Variants in VAC14 observed in about 807,000 individuals in gnomAD.
The protein encoded by VAC14 is protein VAC14 homolog.
A neutral mutation model predicts 85.3 loss-of-function variants in VAC14; 47 were observed. The observed-to-expected ratio is 0.55, with a 90% CI of 0.44 to 0.70. The LOEUF is 0.70. VAC14 is among the 30% of genes least tolerant of loss of function. The probability of loss-of-function intolerance (pLI) is 0.00; values close to 1 mark genes in which losing one functional copy is unlikely to be tolerated. For missense variants in VAC14, 861 were observed against 1,004.3 expected, an observed-to-expected ratio of 0.86 and a Z score of 1.93; for synonymous variants, 447 against 430.5, an observed-to-expected ratio of 1.04 and a Z score of -0.47.
At chr16:70,790,248 G>A (rs182898998) in intron 1 of VAC14, among the ~76,000 whole-genome samples, 94 of 152,320 alleles carry the variant, frequency 6.2e-4, no homozygotes, top group African/African-American at 2.1e-3. Context: ...CATTGTAGAC[G>A]GGTTTTGAAG....
intron 13 of VAC14, among the ~76,000 whole-genome samples, chr16:70,734,487 C>G (rs1290969628): frequency 6.6e-6 from 1 of 152,060 alleles, no homozygotes; most frequent in Non-Finnish European, 1.5e-5. Flanking sequence ...CTGATTAAGC[C>G]CAATGTGTCT....
intron 12 of VAC14, among the ~76,000 whole-genome samples, chr16:70,751,292 G>C (rs751407310): frequency 2.0e-5 from 3 of 152,244 alleles, no homozygotes; most frequent in Non-Finnish European, 2.9e-5. Flanking sequence ...GAAGCTGCAA[G>C]AATGTTTCCA....
chr16:70,695,669 C>A, intron 16 of VAC14, 46 bp from the exon 17 acceptor site: 1 of 1,582,264 alleles, frequency 6.3e-7, no homozygotes, highest in South Asian at 1.1e-5. Flanking sequence ...CCAGCACAGC[C>A]GCAGCTCACA....
Position 70,786,279 on chromosome 16 carries a change from T to G in VAC14, c.191A>C (p.Gln64Pro). The G allele has an allele frequency of 6.2e-7, 1 of 1,614,202 alleles. No individual in the cohort carries two copies. Among genetic ancestry groups the G allele is most frequent in the Non-Finnish European group, 8.5e-7 (1 of 1,180,036 alleles). The change falls in exon 2 of 19, where the codon CAG becomes CCG. Residue 64 changes from glutamine (Q) to proline (P), a missense_variant. Gln to Pro is a moderately conservative substitution (Grantham distance 76). Transcript: ENST00000261776. Reference sequence around the variant, plus strand: ...GCCCCCTTTCCGGCTGTGGGGGTGCTGAGACAGGGCAAACTCCTGGGACAG... The same window carrying G: ...GCCCCCTTTCCGGCTGTGGGGGTGCGGAGACAGGGCAAACTCCTGGGACAG... ...QTLSQEFALS[Q>P]HPHSRKGGLI...
chr16:70,698,632 C>T lies in VAC14; in HGVS notation c.1836+5G>A. Reference sequence around the variant, plus strand: ...CCTGAGGATGGAGTCCCGGACGCAGCCTACCAGGGTCTTCAGGTCCTTCAG... The same window carrying T: ...CCTGAGGATGGAGTCCCGGACGCAGTCTACCAGGGTCTTCAGGTCCTTCAG... On this transcript the variant is annotated splice_donor_5th_base_variant and intron_variant, in intron 15 of 18. Transcript: ENST00000261776. The T allele has an allele frequency of 6.2e-7, 1 of 1,613,964 alleles. No homozygotes were observed. The highest frequency in any genetic ancestry group is 2.2e-5 in the East Asian group (1 of 44,872).
intron 12 of VAC14, among the ~76,000 whole-genome samples, chr16:70,754,791 T>A (rs1000954820): frequency 6.6e-6 from 1 of 152,104 alleles, no homozygotes; most frequent in Non-Finnish European, 1.5e-5. Flanking sequence ...ATCTGTGGAA[T>A]TGAGGTGGGG....
chr16:70,781,511 G>A (rs1032402356), intron 8 of VAC14, among the ~76,000 whole-genome samples: 1 of 152,070 alleles, frequency 6.6e-6, no homozygotes, highest in Non-Finnish European at 1.5e-5. Flanking sequence ...TGTCATACTG[G>A]TGCCCCTGTG....
At chr16:70,768,280 G>A (rs1327124477) in intron 10 of VAC14, 1 of 156,296 alleles carries the variant, frequency 6.4e-6, no homozygotes, top group African/African-American at 2.4e-5. Context: ...CTGAGGCGGG[G>A]GAAATCACGC....
Position 70,695,629 on chromosome 16 carries a change from T to C in VAC14, c.1956-6A>G, listed in dbSNP as rs368987633. 53 of 1,612,918 alleles carry C rather than the reference T, an allele frequency of 3.3e-5. No individual in the cohort carries two copies. Among genetic ancestry groups the C allele is most frequent in the Non-Finnish European group, 4.3e-5 (51 of 1,179,372 alleles). ...CGGTGACCTCCAGGTCCCCACTGGG[T>C]GTGCAGTCAAGGAAAGTCTGTCTGC... On this transcript the variant is annotated splice_region_variant and splice_polypyrimidine_tract_variant and intron_variant, in intron 16 of 18. Coordinates refer to ENST00000261776, the MANE Select transcript of VAC14 (RefSeq NM_018052.5).
chr16:70,708,874 A>G (rs1394410701), intron 14 of VAC14, among the ~76,000 whole-genome samples: 1 of 152,202 alleles, frequency 6.6e-6, no homozygotes, highest in Non-Finnish European at 1.5e-5. Context: ...CCCGGCCATG[A>G]AGCCTTGGCA....
At chr16:70,768,913 G>C (rs1484690414) in intron 10 of VAC14, 1 of 434,234 alleles carries the variant, frequency 2.3e-6, no homozygotes, top group Admixed American at 2.5e-5. Flanking sequence ...CAATTCTCCT[G>C]CTTCAGCCTC....
intron 14 of VAC14, among the ~76,000 whole-genome samples, chr16:70,728,206 C>T (rs886148496): frequency 1.8e-4 from 28 of 152,062 alleles, no homozygotes; most frequent in Non-Finnish European, 8.8e-5. Flanking sequence ...GAAGAGCAAG[C>T]GATCGCCATA....
intron 14 of VAC14, among the ~76,000 whole-genome samples, chr16:70,703,846 TTG>T (rs1278489331): frequency 6.6e-6 from 1 of 152,234 alleles, no homozygotes; most frequent in Admixed American, 6.5e-5. Context: ...CTACACAGCC[TTG>T]CCCATGAACA....
intron 1 of VAC14, among the ~76,000 whole-genome samples, chr16:70,799,932 T>G (rs779418551): frequency 2.0e-5 from 3 of 152,182 alleles, no homozygotes; most frequent in Admixed American, 6.5e-5. Flanking sequence ...TAATTTAAAT[T>G]TATAATAGCT....
At chr16:70,718,895 A>C (rs1227291280) in intron 14 of VAC14, among the ~76,000 whole-genome samples, 1 of 151,900 alleles carries the variant, frequency 6.6e-6, no homozygotes, top group Non-Finnish European at 1.5e-5. Flanking sequence ...GGCTGACCTC[A>C]AACAAAGACT....
Position 70,778,023 on chromosome 16 carries a change from C to T in VAC14, c.1096+2767G>A, listed in dbSNP as rs546063025. 4.9e-4 allele frequency among the ~76,000 whole-genome samples: 74 copies of T among 152,244 alleles called. 1 individual carries two copies. The East Asian group carries it at 0.014, about 29-fold the overall frequency. ...AGGGCTGAGAGTGGATGTAAAGGCG[C>T]CAAATTAGCTCTTACCATCTCTGGG... On this transcript the variant is annotated intron_variant, in intron 9 of 18. Transcript: ENST00000261776.
At chr16:70,689,915 A>G (rs2053566731) in intron 18 of VAC14, 5 of 985,508 alleles carry the variant, frequency 5.1e-6, no homozygotes, top group African/African-American at 1.7e-5. Context: ...CCCTAAGTCC[A>G]GGGTGTGGCC....
chr16:70,729,202 C>T (rs536209908), intron 14 of VAC14, among the ~76,000 whole-genome samples: 3 of 152,280 alleles, frequency 2.0e-5, no homozygotes, highest in South Asian at 2.1e-4. Flanking sequence ...TCCTACAGGG[C>T]GCAGGACAGC....
chr16:70,766,684 T>C, intron 10 of VAC14: 1 of 338,976 alleles, frequency 3.0e-6, no homozygotes, highest in Non-Finnish European at 5.9e-6. Flanking sequence ...CCTGGGCTTT[T>C]CTTCCCTTGC....
Sources: gnomAD v4.1 joint callset for allele counts (sites outside exome capture counted in the v4.1 genomes callset) on GRCh38, gnomAD v4.1.1 for gene constraint, MANE v1.5 for transcripts, NCBI Gene and HGNC (gene_info 2026-07-23, HGNC 2026-07-21) for gene names.